The following EIPR1 variants were observed in gnomAD, a reference collection of about 807,000 sequenced individuals.
EIPR1 encodes the protein EARP and GARP complex-interacting protein 1.
In EIPR1, 25 loss-of-function variants were observed where a neutral mutation model predicts 48.1. The ratio of observed to expected loss-of-function variants is 0.52; its 90% CI spans 0.38 to 0.73. EIPR1 has a LOEUF of 0.73. Ranked by LOEUF, EIPR1 falls within the 30% of genes least tolerant of loss-of-function variation. EIPR1 has a pLI of 0.00. For synonymous variants in EIPR1, 204 were observed against 201.9 expected, an observed-to-expected ratio of 1.01 and a Z score of -0.09; for missense variants, 415 against 506.2, an observed-to-expected ratio of 0.82 and a Z score of 1.73.
At chr2:3,323,353 T>C (rs146219673) in intron 3 of EIPR1, among the ~76,000 whole-genome samples, 1 of 152,312 alleles carries the variant, frequency 6.6e-6, no homozygotes, top group East Asian at 1.9e-4. Flanking sequence ...TTTGGGGAAC[T>C]GCCCCCAGTA....
Position 3,365,976 on chromosome 2 carries a change from C to A in EIPR1, c.43-11343G>T, listed in dbSNP as rs1341782059. On this transcript the variant is annotated intron_variant, in intron 1 of 8. Coordinates refer to ENST00000382125, the MANE Select transcript of EIPR1 (RefSeq NM_003310.5). ...CCGGGAGGGAGGTGGGGGGGTCAGCCCCCCGCCCGGCCAGCCACCCCGTCC... is the reference window on the plus strand; with the variant it reads ...CCGGGAGGGAGGTGGGGGGGTCAGCACCCCGCCCGGCCAGCCACCCCGTCC... Among the ~76,000 whole-genome samples the A allele has an allele frequency of 3.0e-4, 13 of 42,866 alleles. No individual in the cohort carries two copies. In the South Asian group the frequency reaches 7.6e-3, roughly 25 times the overall value. 28.1% of individuals were successfully genotyped at this position (42,866 alleles called of 152,430 possible). A position where few individuals can be genotyped will look rare whatever the true frequency, so the allele number is the denominator to read the frequency against.
At chr2:3,343,314 C>T (rs1340362831) in intron 2 of EIPR1, among the ~76,000 whole-genome samples, 1 of 152,230 alleles carries the variant, frequency 6.6e-6, no homozygotes, top group Non-Finnish European at 1.5e-5. Context: ...GTATAAACAA[C>T]TGTTTTGTTG....
chr2:3,285,234 C>T (rs1053182758), intron 3 of EIPR1, among the ~76,000 whole-genome samples: 2 of 152,126 alleles, frequency 1.3e-5, no homozygotes, highest in African/African-American at 2.4e-5. Context: ...AGGGGAGAAG[C>T]AGGCTCCAAG....
Position 3,312,493 on chromosome 2 carries a change from A to G in EIPR1, c.259+25524T>C, listed in dbSNP as rs1407245673. ...CTGCCTCCAAAATACACCCTGTCCA[A>G]TATTCCATCTCCAGGTTCCCATGGT... On this transcript the variant is annotated intron_variant, in intron 3 of 8. Transcript: ENST00000382125. The surrounding 1 kb of genome is among the most constrained non-coding windows in gnomAD (Gnocchi z 5.5). Among the ~76,000 whole-genome samples the G allele has an allele frequency of 1.3e-5, 2 of 152,060 alleles. No homozygotes were observed. The highest frequency in any genetic ancestry group is 2.9e-5 in the Non-Finnish European group (2 of 68,004).
At position 3,286,773 on chromosome 2, in the gene EIPR1, T is replaced by C. The variant is rs1206291454; in HGVS notation, c.260-29318A>G. 6.6e-6 allele frequency among the ~76,000 whole-genome samples: 1 copy of C among 152,202 alleles called. No individual in the cohort carries two copies. The highest frequency in any genetic ancestry group is 1.5e-5 in the Non-Finnish European group (1 of 68,028). On this transcript the variant is annotated intron_variant, in intron 3 of 8. Transcript: ENST00000382125. This position sits in a 1 kb window ranked among gnomAD's most constrained non-coding sequence, Gnocchi z 4.2. Reference sequence around the variant, plus strand: ...AGCTCCAAGAGGCGGAGCTATCAATTTCACATACAGACAAGGAAACCAAGG... The same window carrying C: ...AGCTCCAAGAGGCGGAGCTATCAATCTCACATACAGACAAGGAAACCAAGG...
chr2:3,288,473 C>T (rs541934584), intron 3 of EIPR1, among the ~76,000 whole-genome samples: 5 of 152,336 alleles, frequency 3.3e-5, no homozygotes, highest in African/African-American at 1.2e-4. Context: ...AGTTCTTTTG[C>T]TTCTCTGACA....
chr2:3,256,595 T>C (rs879493153), intron 4 of EIPR1, among the ~76,000 whole-genome samples: 1 of 152,248 alleles, frequency 6.6e-6, no homozygotes, highest in African/African-American at 2.4e-5. Flanking sequence ...CGCACATGTG[T>C]ATGTGTTAAT....
At chr2:3,252,370 C>A (rs1328832355) in intron 4 of EIPR1, among the ~76,000 whole-genome samples, 1 of 152,172 alleles carries the variant, frequency 6.6e-6, no homozygotes, top group Non-Finnish European at 1.5e-5. Flanking sequence ...GTGGGCGGAT[C>A]ACCTGAGGTC....
At chr2:3,245,433 A>T (rs1192217725) in intron 4 of EIPR1, among the ~76,000 whole-genome samples, 1 of 152,156 alleles carries the variant, frequency 6.6e-6, no homozygotes, top group Non-Finnish European at 1.5e-5. Flanking sequence ...GGGTGGTTTC[A>T]AACTCCTAAC....
intron 3 of EIPR1, chr2:3,300,862 T>C (rs558042912): frequency 6.6e-6 from 1 of 152,322 alleles, no homozygotes; most frequent in Non-Finnish European, 1.5e-5. Flanking sequence ...ACCTGTGAAC[T>C]CCGGACAGTG....
intron 3 of EIPR1, among the ~76,000 whole-genome samples, chr2:3,335,477 TG>T (rs1670014863): frequency 6.7e-6 from 1 of 150,322 alleles, no homozygotes; most frequent in Admixed American, 6.6e-5. Flanking sequence ...GGTTTCCTGG[TG>T]GGGGGACAGG....
intron 3 of EIPR1, among the ~76,000 whole-genome samples, chr2:3,260,194 T>C (rs182580002): frequency 6.4e-4 from 97 of 152,224 alleles, no homozygotes; most frequent in African/African-American, 2.0e-3. Context: ...AAGACACTAT[T>C]AAAGAAATGA....
intron 5 of EIPR1, among the ~76,000 whole-genome samples, chr2:3,202,127 C>G (rs191499220): frequency 1.9e-4 from 29 of 152,078 alleles, no homozygotes; most frequent in Admixed American, 1.5e-3. Flanking sequence ...TTAGTAGAGA[C>G]GGGGTTTCAC....
chr2:3,339,374 C>CTAT (rs1399993836), intron 2 of EIPR1, among the ~76,000 whole-genome samples: 1 of 152,214 alleles, frequency 6.6e-6, no homozygotes, highest in African/African-American at 2.4e-5. Flanking sequence ...ACATTAAATG[C>CTAT]TATTTTTAAA....
intron 3 of EIPR1, among the ~76,000 whole-genome samples, chr2:3,318,195 C>T (rs922601050): frequency 2.0e-5 from 3 of 152,222 alleles, no homozygotes; most frequent in African/African-American, 7.2e-5. Flanking sequence ...CGCAGCACAC[C>T]ACACATGTGG....
intron 3 of EIPR1, among the ~76,000 whole-genome samples, chr2:3,288,101 G>A (rs73133157): frequency 0.063 from 9,598 of 152,226 alleles, 1,159 homozygotes; most frequent in East Asian, 0.54. Flanking sequence ...ATCCTGATGC[G>A]GTGGCGTCAT....
chr2:3,356,626 C>T (rs1410200567), intron 1 of EIPR1, among the ~76,000 whole-genome samples: 2 of 152,190 alleles, frequency 1.3e-5, no homozygotes, highest in Admixed American at 6.5e-5. Context: ...TGTGAACTTA[C>T]GCGGTAAAGG....
chr2:3,318,310 G>T (rs1194593876), intron 3 of EIPR1, among the ~76,000 whole-genome samples: 1 of 152,228 alleles, frequency 6.6e-6, no homozygotes, highest in East Asian at 1.9e-4. Context: ...CCTGGAGGAA[G>T]GGCCATAAAC....
At chr2:3,343,311 C>A (rs1670305513) in intron 2 of EIPR1, among the ~76,000 whole-genome samples, 1 of 152,224 alleles carries the variant, frequency 6.6e-6, no homozygotes, top group Non-Finnish European at 1.5e-5. Flanking sequence ...AAAGTATAAA[C>A]AACTGTTTTG....
Sources: allele counts gnomAD v4.1 joint callset (sites outside exome capture counted in the v4.1 genomes callset), GRCh38; gene constraint gnomAD v4.1.1; non-coding constraint Gnocchi (gnomAD v3.1); transcripts MANE v1.5; gene names NCBI Gene and HGNC (gene_info 2026-07-23, HGNC 2026-07-21).